The following RHOA variants were observed in gnomAD, a reference collection of about 807,000 sequenced individuals.
The protein encoded by RHOA is transforming protein RhoA.
Under a neutral mutation model 17.5 loss-of-function variants are expected in RHOA, and 3 were observed. That is an observed-to-expected ratio of 0.17 (90% CI 0.08 to 0.44). The LOEUF is 0.44. RHOA is among the 20% of genes least tolerant of loss of function. The probability of loss-of-function intolerance (pLI) is 0.99; values close to 1 mark genes in which losing one functional copy is unlikely to be tolerated. For synonymous variants in RHOA, 98 were observed against 88.4 expected (o/e 1.11, Z -0.61); for missense variants, 56 against 242.3 (o/e 0.23, Z 5.10).
At chr3:49,405,168 G>A (rs1200384390) in intron 1 of RHOA, among the ~76,000 whole-genome samples, 1 of 146,010 alleles carries the variant, frequency 6.8e-6, no homozygotes, top group Non-Finnish European at 1.5e-5. Flanking sequence ...TGAGGAAGGA[G>A]AACTGCTTGA....
chr3:49,381,354 G>A (rs142221708), intron 1 of RHOA, among the ~76,000 whole-genome samples: 18 of 150,250 alleles, frequency 1.2e-4, no homozygotes, highest in African/African-American at 2.4e-4. Flanking sequence ...GCAGTAAGCC[G>A]ATATCTCGCC....
intron 2 of RHOA, among the ~76,000 whole-genome samples, chr3:49,369,103 C>A (rs560909077): frequency 2.1e-4 from 27 of 126,978 alleles, no homozygotes; most frequent in African/African-American, 8.2e-4. Context: ...TGGCTCACTG[C>A]AAGCTCTGCC....
At chr3:49,402,501 T>C in intron 1 of RHOA, among the ~76,000 whole-genome samples, 1 of 150,980 alleles carries the variant, frequency 6.6e-6, no homozygotes, top group Non-Finnish European at 1.5e-5. Context: ...TGGCAAAACG[T>C]CATCTCTATA....
intron 1 of RHOA, among the ~76,000 whole-genome samples, chr3:49,403,936 T>C (rs2048768793): frequency 6.6e-6 from 1 of 151,538 alleles, no homozygotes; most frequent in Non-Finnish European, 1.5e-5. Flanking sequence ...CAAGAAATCT[T>C]AGGGTGCTAC....
chr3:49,396,089 C>T (rs895382172), intron 1 of RHOA, among the ~76,000 whole-genome samples: 1 of 151,982 alleles, frequency 6.6e-6, no homozygotes, highest in African/African-American at 2.4e-5. Context: ...TGATAATGAA[C>T]ACCAAGAAAA....
intron 1 of RHOA, among the ~76,000 whole-genome samples, chr3:49,409,686 T>C (rs1189508350): frequency 6.6e-6 from 1 of 152,160 alleles, no homozygotes; most frequent in East Asian, 1.9e-4. Context: ...GAGCTACCTG[T>C]TTTTACTCTC....
chr3:49,368,689 T>C (rs2048097866), intron 2 of RHOA, 141 bp from the exon 3 acceptor site: 1 of 838,926 alleles, frequency 1.2e-6, no homozygotes, highest in Non-Finnish European at 1.8e-6. Context: ...ACAGGAGTAT[T>C]TACATTTTTT....
At chr3:49,384,335 G>A (rs1210671424) in intron 1 of RHOA, among the ~76,000 whole-genome samples, 2 of 152,060 alleles carry the variant, frequency 1.3e-5, no homozygotes, top group Non-Finnish European at 2.9e-5. Flanking sequence ...CAAGTACATG[G>A]TTTGTCAAGA....
At chr3:49,380,001 T>C (rs1013255136) in intron 1 of RHOA, among the ~76,000 whole-genome samples, 33 of 152,204 alleles carry the variant, frequency 2.2e-4, no homozygotes, top group Non-Finnish European at 1.5e-5. Flanking sequence ...TCCTAGACCA[T>C]ACTTCGATTT....
intron 1 of RHOA, among the ~76,000 whole-genome samples, chr3:49,402,723 G>A (rs780497563): frequency 1.3e-5 from 2 of 151,792 alleles, no homozygotes; most frequent in African/African-American, 4.8e-5. Flanking sequence ...CAAATAAAAC[G>A]AATGAACAAA....
chr3:49,361,516 T>G (rs938304901), intron 4 of RHOA, among the ~76,000 whole-genome samples: 1 of 152,198 alleles, frequency 6.6e-6, no homozygotes, highest in Non-Finnish European at 1.5e-5. Flanking sequence ...CAAGATTTCC[T>G]TATCTTTCAG....
At chr3:49,362,715 T>TC in intron 3 of RHOA, 89 bp from the exon 4 acceptor site, 1 of 1,093,604 alleles carries the variant, frequency 9.1e-7, no homozygotes, top group Non-Finnish European at 1.3e-6. Flanking sequence ...AGAGACACTT[T>TC]CTTTGTGGCT....
At chr3:49,387,850 G>C (rs1296666877) in intron 1 of RHOA, among the ~76,000 whole-genome samples, 1 of 151,886 alleles carries the variant, frequency 6.6e-6, no homozygotes, top group Non-Finnish European at 1.5e-5. Context: ...GTACACACCA[G>C]AGGAAGAAAT....
chr3:49,402,409 G>A (rs1159557170), intron 1 of RHOA, among the ~76,000 whole-genome samples: 2 of 152,092 alleles, frequency 1.3e-5, no homozygotes, highest in Non-Finnish European at 2.9e-5. Flanking sequence ...TAAAAAACTA[G>A]GCCGGGTGCA....
At chr3:49,369,505 G>A (rs2048117087) in intron 2 of RHOA, among the ~76,000 whole-genome samples, 2 of 151,724 alleles carry the variant, frequency 1.3e-5, no homozygotes, top group South Asian at 4.2e-4. Context: ...GGCTGAGGCG[G>A]GCTGACTGCC....
intron 1 of RHOA, among the ~76,000 whole-genome samples, chr3:49,408,652 A>G (rs2048879392): frequency 7.0e-6 from 1 of 142,654 alleles, no homozygotes; most frequent in Non-Finnish European, 1.6e-5. Flanking sequence ...GCATGTCCCC[A>G]AAGAGCCCCA....
intron 2 of RHOA, among the ~76,000 whole-genome samples, chr3:49,373,539 G>C (rs2048178429): frequency 6.6e-6 from 1 of 152,218 alleles, no homozygotes; most frequent in South Asian, 2.1e-4. Context: ...TAGGAGAGCT[G>C]GGCACGCTGG....
At chr3:49,393,556 C>T (rs938821929) in intron 1 of RHOA, among the ~76,000 whole-genome samples, 1 of 151,434 alleles carries the variant, frequency 6.6e-6, no homozygotes, top group South Asian at 2.1e-4. Context: ...CCTTGGCCTC[C>T]CAAAGTGCTC....
intron 1 of RHOA, among the ~76,000 whole-genome samples, chr3:49,386,094 T>C (rs1173419018): frequency 2.0e-5 from 3 of 152,222 alleles, no homozygotes; most frequent in Admixed American, 2.0e-4. Context: ...AGTAACAGTT[T>C]GTCAATTTCT....
Sources: allele counts gnomAD v4.1 joint callset (sites outside exome capture counted in the v4.1 genomes callset), GRCh38; gene constraint gnomAD v4.1.1; transcripts MANE v1.5; gene names NCBI Gene and HGNC (gene_info 2026-07-23, HGNC 2026-07-21).